The following NVL variants were observed in gnomAD, a reference collection of about 807,000 sequenced individuals.
NVL encodes the protein nuclear valosin-containing protein-like.
A neutral mutation model predicts 110.2 loss-of-function variants in NVL; 84 were observed. That is an observed-to-expected ratio of 0.76 (90% CI 0.64 to 0.91). NVL has a LOEUF of 0.91. NVL is among the 40% of genes least tolerant of loss of function. The probability of loss-of-function intolerance (pLI) is 0.00; values close to 1 mark genes in which losing one functional copy is unlikely to be tolerated. For synonymous variants in NVL, 354 were observed against 361.1 expected (o/e 0.98, Z 0.22); for missense variants, 882 against 1,035.9 (o/e 0.85, Z 2.04).
chr1:224,267,802 T>C (rs1558279235), intron 18 of NVL, among the ~76,000 whole-genome samples: 1 of 152,168 alleles, frequency 6.6e-6, no homozygotes, highest in African/African-American at 2.4e-5. Context: ...CTATACTTTT[T>C]ACTATAGCTT....
At chr1:224,250,391 G>A in intron 18 of NVL, 73 bp from the exon 19 acceptor site, 1 of 1,340,764 alleles carries the variant, frequency 7.5e-7, no homozygotes, top group Non-Finnish European at 9.8e-7. Context: ...TTGAGAGAGG[G>A]TCTTGTTCCA....
intron 18 of NVL, among the ~76,000 whole-genome samples, chr1:224,260,750 G>A (rs1475244651): frequency 7.1e-6 from 1 of 141,474 alleles, no homozygotes; most frequent in African/African-American, 2.7e-5. Flanking sequence ...CATCCAGGCT[G>A]GAGTGCAGTG....
intron 17 of NVL, among the ~76,000 whole-genome samples, chr1:224,271,783 C>T (rs1039836893): frequency 6.6e-6 from 1 of 152,020 alleles, no homozygotes; most frequent in African/African-American, 2.4e-5. Flanking sequence ...GAGGCCGAGG[C>T]GGGCAGATCA....
rs558961154 is a variant in NVL at position 224,272,862 on chromosome 1, G to A, written c.2082+2477C>T. ...ATCCCGACTAAAACGGTGAAACCCC[G>A]TCTCTACTAAAAATACAAAAAATTA... is the stretch of plus-strand genomic sequence containing the variant. On this transcript the variant is annotated intron_variant, in intron 17 of 22. Transcript: ENST00000281701. Among the ~76,000 whole-genome samples, 73 of 149,044 alleles carry A rather than the reference G, an allele frequency of 4.9e-4. 1 individual carries two copies. In the South Asian group the frequency reaches 0.015, roughly 31 times the overall value.
At chr1:224,239,122 T>C (rs1006352972) in intron 19 of NVL, among the ~76,000 whole-genome samples, 1 of 152,114 alleles carries the variant, frequency 6.6e-6, no homozygotes, top group Non-Finnish European at 1.5e-5. Flanking sequence ...CTTTTTAATT[T>C]CTTTCTTGAA....
chr1:224,308,287 T>G (rs775823655), intron 5 of NVL, 24 bp from the exon 6 acceptor site: 1 of 1,578,336 alleles, frequency 6.3e-7, no homozygotes, highest in South Asian at 1.2e-5. Flanking sequence ...AAAACAAAAT[T>G]GTAGCATAAA....
chr1:224,273,296 T>G (rs529847004), intron 17 of NVL, among the ~76,000 whole-genome samples: 1 of 150,102 alleles, frequency 6.7e-6, no homozygotes, highest in Non-Finnish European at 1.5e-5. Flanking sequence ...GCCTGTAATC[T>G]CAGCTACTCG....
chr1:224,319,354 C>T (rs753740939), intron 2 of NVL, among the ~76,000 whole-genome samples: 2 of 151,604 alleles, frequency 1.3e-5, no homozygotes, highest in Non-Finnish European at 2.9e-5. Flanking sequence ...GTGGCCCAGG[C>T]TGGAGTGCAG....
intron 2 of NVL, among the ~76,000 whole-genome samples, chr1:224,323,780 C>A: frequency 6.6e-6 from 1 of 152,196 alleles, no homozygotes; most frequent in Non-Finnish European, 1.5e-5. Flanking sequence ...GGATCACCAC[C>A]CTACGGAGCC....
Position 224,287,988 on chromosome 1 carries a change from T to A in NVL, c.1581A>T (p.Glu527Asp). 1 of 1,612,620 alleles carries A rather than the reference T, an allele frequency of 6.2e-7. No individual in the cohort carries two copies. The highest frequency in any genetic ancestry group is 8.5e-7 in the Non-Finnish European group (1 of 1,179,658). ...GTEPTSETQD[E>D]LQRLLGLLRD... Reference sequence around the variant, plus strand: ...TTAGCAACCCCAGCAGCCTTTGTAATTCATCCTTGAAGGGAACAATAGAGG... The same window carrying A: ...TTAGCAACCCCAGCAGCCTTTGTAAATCATCCTTGAAGGGAACAATAGAGG... The change falls in exon 14 of 23, where the codon GAA becomes GAT. Residue 527 changes from glutamate (E) to aspartate (D), a missense_variant. Physicochemically the swap from Glu to Asp is conservative, Grantham distance 45 (BLOSUM62 2). Transcript: ENST00000281701.
chr1:224,239,728 T>C (rs1203326950), intron 19 of NVL, among the ~76,000 whole-genome samples: 1 of 152,162 alleles, frequency 6.6e-6, no homozygotes, highest in Non-Finnish European at 1.5e-5. Flanking sequence ...ATCCTCAGAG[T>C]GCATTTCTTG....
At chr1:224,316,604 A>G (rs1413116566) in intron 4 of NVL, among the ~76,000 whole-genome samples, 3 of 151,020 alleles carry the variant, frequency 2.0e-5, no homozygotes, top group Non-Finnish European at 3.0e-5. Flanking sequence ...CTGGGAAGTC[A>G]AGGCTGCAAT....
chr1:224,254,921 G>A (rs1054763284), intron 18 of NVL, among the ~76,000 whole-genome samples: 4 of 148,438 alleles, frequency 2.7e-5, no homozygotes, highest in South Asian at 2.1e-4. Flanking sequence ...TCGCCAGGCT[G>A]GAGTACAGTG....
At chr1:224,273,505 A>T (rs1665411691) in intron 17 of NVL, among the ~76,000 whole-genome samples, 1 of 151,908 alleles carries the variant, frequency 6.6e-6, no homozygotes. Context: ...TTTATTCCTT[A>T]AAAAAAAGAG....
At chr1:224,256,773 C>T (rs1268270835) in intron 18 of NVL, among the ~76,000 whole-genome samples, 3 of 152,142 alleles carry the variant, frequency 2.0e-5, no homozygotes, top group Non-Finnish European at 4.4e-5. Flanking sequence ...AAACAGGCCC[C>T]TACCATTGTC....
intron 2 of NVL, among the ~76,000 whole-genome samples, chr1:224,324,956 C>G (rs1321578784): frequency 6.6e-6 from 1 of 152,110 alleles, no homozygotes; most frequent in African/African-American, 2.4e-5. Context: ...GATAGAGCCT[C>G]TAGAAATAAT....
In NVL at chr1:224,273,083, CAAGAA is replaced by C. The variant is rs775437583; in HGVS notation, c.2082+2251_2082+2255del. ...AACAAAAAAAAACACAACAAAAACA[CAAGAA>C]AAGAAAACCATATATATCAGAGTAT... On this transcript the variant is annotated intron_variant, in intron 17 of 22. Transcript: ENST00000281701. Among the ~76,000 whole-genome samples the C allele has an allele frequency of 2.9e-3, 420 of 143,808 alleles. 1 individual carries two copies. Among genetic ancestry groups the C allele is most frequent in the Middle Eastern group, 0.022 (6 of 274 alleles). 94.3% of individuals were successfully genotyped at this position (143,808 alleles called of 152,430 possible).
intron 19 of NVL, among the ~76,000 whole-genome samples, chr1:224,244,386 T>C (rs1661565167): frequency 6.6e-6 from 1 of 151,888 alleles, no homozygotes; most frequent in South Asian, 2.1e-4. Flanking sequence ...AAATTTCTAC[T>C]TCTCAGGCAG....
At chr1:224,328,110 T>C (rs963046469) in intron 1 of NVL, among the ~76,000 whole-genome samples, 1 of 152,106 alleles carries the variant, frequency 6.6e-6, no homozygotes, top group Non-Finnish European at 1.5e-5. Flanking sequence ...CTGGGATACA[T>C]GTGCAGAACA....
Sources: gnomAD v4.1 joint callset for allele counts (sites outside exome capture counted in the v4.1 genomes callset) on GRCh38, gnomAD v4.1.1 for gene constraint, MANE v1.5 for transcripts, NCBI Gene and HGNC (gene_info 2026-07-23, HGNC 2026-07-21) for gene names.